KPNA6: variants seen among roughly 807,000 people sequenced by gnomAD.
KPNA6 encodes the protein importin subunit alpha-7.
KPNA6 carries 9 observed loss-of-function variants against 72.0 expected under a neutral mutation model. That is an observed-to-expected ratio of 0.13 (90% CI 0.08 to 0.22). The LOEUF (loss-of-function observed/expected upper bound fraction) is 0.22. KPNA6 is among the 10% of genes least tolerant of loss of function. KPNA6 has a pLI of 1.00. For missense variants in KPNA6, 374 were observed against 655.7 expected (o/e 0.57, Z 4.69); for synonymous variants, 219 against 242.1 (o/e 0.90, Z 0.89).
intron 1 of KPNA6, among the ~76,000 whole-genome samples, chr1:32,123,018 T>TATA (rs1389802593): frequency 1.3e-5 from 2 of 151,736 alleles, no homozygotes; most frequent in Admixed American, 6.6e-5. Context: ...ATGAGGCTCT[T>TATA]ATAATGTCTA....
rs755776928 is a variant in KPNA6, at chr1:32,162,368, C to T, written c.755C>T (p.Pro252Leu). The change falls in exon 9 of 14, where the codon CCT becomes CTT. Residue 252 changes from proline (P) to leucine (L), a missense_variant. Physicochemically the swap from Pro to Leu is moderately conservative, Grantham distance 98 (BLOSUM62 -3). Around this residue, in one of 3 missense-constraint regions of KPNA6, gnomAD observed 298 missense variants for 495.4 expected, o/e 0.60. Transcript: ENST00000373625. ...TCACTCTGCTTCCCACAGGTCTCTCCTTGTTTGCCTGTACTGTCTCGCCTA... is the reference window on the plus strand; with the variant it reads ...TCACTCTGCTTCCCACAGGTCTCTCTTTGTTTGCCTGTACTGTCTCGCCTA... Reference protein sequence around the residue: ...NPPPEFAKVSPCLPVLSRLLF... With the variant: ...NPPPEFAKVSLCLPVLSRLLF... 3 of 1,594,162 alleles carry T rather than the reference C, an allele frequency of 1.9e-6. No homozygotes were observed. The highest frequency in any genetic ancestry group is 2.3e-5 in the South Asian group (2 of 87,498).
chr1:32,155,511 C>A (rs973211865), intron 2 of KPNA6, among the ~76,000 whole-genome samples: 1 of 151,254 alleles, frequency 6.6e-6, no homozygotes, highest in Non-Finnish European at 1.5e-5. Context: ...TTGGTAGAGA[C>A]TGGGTTTCAC....
chr1:32,173,088 C>T lies in KPNA6; in HGVS notation c.*2194C>T. Reference sequence around the variant, plus strand: ...TCAGCTTGGGAATGATGGCTGCCAACTCCCAATCTCCCAGGAAGGCAGGGG... The same window carrying T: ...TCAGCTTGGGAATGATGGCTGCCAATTCCCAATCTCCCAGGAAGGCAGGGG... On this transcript the variant is annotated 3_prime_UTR_variant, in exon 14 of 14. Transcript: ENST00000373625. The T allele has an allele frequency of 2.5e-6, 1 of 396,260 alleles. No homozygotes were observed. Among genetic ancestry groups the T allele is most frequent in the Middle Eastern group, 6.3e-4 (1 of 1,584 alleles). 24.5% of individuals were successfully genotyped at this position (396,260 alleles called of 1,614,324 possible). A position where few individuals can be genotyped will look rare whatever the true frequency, so the allele number is the denominator to read the frequency against.
At chr1:32,131,654 A>T (rs1028987303) in intron 1 of KPNA6, among the ~76,000 whole-genome samples, 1 of 151,476 alleles carries the variant, frequency 6.6e-6, no homozygotes, top group African/African-American at 2.4e-5. Context: ...GTATATATAT[A>T]TACACACACA....
Position 32,114,897 on chromosome 1 carries a change from G to C in KPNA6, c.4+6763G>C, listed in dbSNP as rs139944514. Among the ~76,000 whole-genome samples, 4 of 152,326 alleles carry C rather than the reference G, an allele frequency of 2.6e-5. No individual in the cohort carries two copies. The East Asian group carries it at 7.7e-4, about 29-fold the overall frequency. The stretch of plus-strand genomic sequence containing the variant: ...ACTCTGTCACCCAGACTGGAGTGCA[G>C]TGGCACGATCTCGCCTCACTGCAGC... On this transcript the variant is annotated intron_variant, in intron 1 of 13. Coordinates refer to ENST00000373625, the MANE Select transcript of KPNA6 (RefSeq NM_012316.5).
At chr1:32,120,840 G>T (rs899316106) in intron 1 of KPNA6, among the ~76,000 whole-genome samples, 2 of 148,686 alleles carry the variant, frequency 1.3e-5, no homozygotes, top group African/African-American at 2.5e-5. Flanking sequence ...AGTAGTGCTG[G>T]GATTACCACC....
chr1:32,158,113 G>A (rs1642175228), intron 4 of KPNA6, among the ~76,000 whole-genome samples, 154 bp from the exon 5 acceptor site: 1 of 152,156 alleles, frequency 6.6e-6, no homozygotes, highest in Admixed American at 6.5e-5. Context: ...GTTCAAAGAC[G>A]AGTAGATATT....
At chr1:32,141,081 T>G (rs897948184) in intron 1 of KPNA6, among the ~76,000 whole-genome samples, 2 of 152,136 alleles carry the variant, frequency 1.3e-5, no homozygotes, top group African/African-American at 4.8e-5. Flanking sequence ...AGTCCATACA[T>G]GTACTTCAGG....
intron 12 of KPNA6, among the ~76,000 whole-genome samples, chr1:32,169,650 C>T (rs990344817): frequency 1.4e-5 from 2 of 146,200 alleles, no homozygotes; most frequent in Admixed American, 1.4e-4. Flanking sequence ...TTAGTAGAGA[C>T]GGGGTTTCAC....
intron 10 of KPNA6, among the ~76,000 whole-genome samples, chr1:32,164,564 T>G (rs1037918570): frequency 3.6e-4 from 40 of 111,160 alleles, no homozygotes; most frequent in Non-Finnish European, 3.3e-4. Flanking sequence ...TTGTTTTTTG[T>G]TTTTTTTTTG....
intron 1 of KPNA6, among the ~76,000 whole-genome samples, chr1:32,125,998 A>C (rs967521866): frequency 7.9e-5 from 12 of 151,034 alleles, no homozygotes; most frequent in East Asian, 3.9e-4. Flanking sequence ...AAAAAAAAAA[A>C]AAACCTGTCC....
rs1164418545 is a variant in KPNA6 at position 32,173,806 on chromosome 1, C to T, written c.*2912C>T. On this transcript the variant is annotated 3_prime_UTR_variant, in exon 14 of 14. Coordinates refer to ENST00000373625, the MANE Select transcript of KPNA6 (RefSeq NM_012316.5). ...CTACCCCAGTCTGCTGTAGGGAATA[C>T]CCTAATTAGTTGAGGCATGCTTTTG... 1 of 152,212 alleles carries T rather than the reference C, an allele frequency of 6.6e-6. No homozygotes were observed. Among genetic ancestry groups the T allele is most frequent in the African/African-American group, 2.4e-5 (1 of 41,434 alleles). The allele number at this position is 152,212 out of a possible 1,614,324, so 9.4% of individuals were successfully genotyped here. A position where few individuals can be genotyped will look rare whatever the true frequency, so the allele number is the denominator to read the frequency against.
At chr1:32,109,724 A>G (rs549716816) in intron 1 of KPNA6, among the ~76,000 whole-genome samples, 2 of 150,674 alleles carry the variant, frequency 1.3e-5, no homozygotes, top group African/African-American at 2.4e-5. Flanking sequence ...GCTCACTGCA[A>G]CTACCACCTT....
At chr1:32,160,499 T>G (rs1233219679) in intron 6 of KPNA6, 116 bp from the exon 7 acceptor site, 1 of 747,690 alleles carries the variant, frequency 1.3e-6, no homozygotes, top group Non-Finnish European at 2.4e-6. Flanking sequence ...GTGTAGTATA[T>G]TTGGGGCCTT....
intron 6 of KPNA6, 110 bp downstream of exon 6, chr1:32,159,641 G>T (rs1488796788): frequency 8.0e-7 from 1 of 1,245,822 alleles, no homozygotes; most frequent in Non-Finnish European, 1.1e-6. Context: ...GGAATTTCCT[G>T]AGTGATAGGG....
At chr1:32,135,096 T>C (rs1294615868) in intron 1 of KPNA6, among the ~76,000 whole-genome samples, 2 of 151,070 alleles carry the variant, frequency 1.3e-5, no homozygotes, top group African/African-American at 4.9e-5. Flanking sequence ...AGACAGAGTT[T>C]CACTCTTGTC....
At chr1:32,161,449 C>T (rs1004300483) in intron 7 of KPNA6, among the ~76,000 whole-genome samples, 1 of 152,186 alleles carries the variant, frequency 6.6e-6, no homozygotes, top group Non-Finnish European at 1.5e-5. Flanking sequence ...GTAAACTATG[C>T]CTAAACCAAA....
intron 1 of KPNA6, among the ~76,000 whole-genome samples, chr1:32,153,571 CAA>C (rs554895996): frequency 0.18 from 10,928 of 60,238 alleles, 442 homozygotes; most frequent in East Asian, 0.34. Context: ...AACTCTGTCT[CAA>C]AAAAAAAAAA....
At chr1:32,119,032 A>ATATATATATATATATT (rs1167325052) in intron 1 of KPNA6, among the ~76,000 whole-genome samples, 5 of 40,282 alleles carry the variant, frequency 1.2e-4, no homozygotes, top group Non-Finnish European at 2.0e-4. Flanking sequence ...ATATATATAT[A>ATATATATATATATATT]TTTTTTTTTT....
Sources: allele counts gnomAD v4.1 joint callset (sites outside exome capture counted in the v4.1 genomes callset), GRCh38; gene constraint gnomAD v4.1.1; regional missense constraint gnomAD v4.1.1; transcripts MANE v1.5; gene names NCBI Gene and HGNC (gene_info 2026-07-23, HGNC 2026-07-21).